The following ANKH variants were observed in gnomAD, a reference collection of about 807,000 sequenced individuals.
ANKH encodes the protein mineralization regulator ANKH.
ANKH carries 15 observed loss-of-function variants against 49.0 expected under a neutral mutation model. The ratio of observed to expected loss-of-function variants is 0.31; its 90% CI spans 0.20 to 0.47. ANKH has a LOEUF of 0.47. ANKH is among the 20% of genes least tolerant of loss of function. ANKH has a pLI of 1.00. For missense variants in ANKH, 429 were observed against 652.0 expected, an observed-to-expected ratio of 0.66 and a Z score of 3.72; for synonymous variants, 273 against 260.0, an observed-to-expected ratio of 1.05 and a Z score of -0.48.
At chr5:14,852,929 A>G (rs1190251844) in intron 1 of ANKH, among the ~76,000 whole-genome samples, 1 of 152,022 alleles carries the variant, frequency 6.6e-6, no homozygotes, top group Non-Finnish European at 1.5e-5. Flanking sequence ...AATTCCACCC[A>G]AGCAGATCTG....
intron 8 of ANKH, chr5:14,741,396 C>A: frequency 4.4e-6 from 1 of 226,304 alleles, no homozygotes; most frequent in Non-Finnish European, 8.8e-6. Context: ...CACGTGATGG[C>A]CACGTAAGTA....
intron 8 of ANKH, among the ~76,000 whole-genome samples, chr5:14,730,723 G>A (rs1737971413): frequency 6.6e-6 from 1 of 152,194 alleles, no homozygotes; most frequent in Non-Finnish European, 1.5e-5. Flanking sequence ...AGCAAGAAGC[G>A]AGCGCCAGGA....
At position 14,784,455 on chromosome 5, in the gene ANKH, G is replaced by A. The variant is rs10036701; in HGVS notation, c.97-15264C>T. ...TACCATCATCAGACTAGCAAAGCTG[G>A]TGAGTGGCGGTGCACGGCCTCACAC... On this transcript the variant is annotated intron_variant, in intron 1 of 11. Coordinates refer to ENST00000284268, the MANE Select transcript of ANKH (RefSeq NM_054027.6). 3.0e-3 allele frequency among the ~76,000 whole-genome samples: 452 copies of A among 152,346 alleles called. 2 individuals carry two copies. The highest frequency in any genetic ancestry group is 0.01 in the African/African-American group (436 of 41,572).
intron 8 of ANKH, among the ~76,000 whole-genome samples, chr5:14,726,236 G>C (rs943855998): frequency 1.3e-5 from 2 of 152,166 alleles, no homozygotes; most frequent in East Asian, 1.9e-4. Context: ...TTTCCAGAGA[G>C]AGCTGACGCA....
chr5:14,768,045 A>G (rs927626162), intron 2 of ANKH: 3 of 152,218 alleles, frequency 2.0e-5, no homozygotes, highest in Admixed American at 1.3e-4. Flanking sequence ...TCTTAGCACA[A>G]AATTTTATGT....
At chr5:14,749,573 A>G (rs1476873527) in intron 5 of ANKH, among the ~76,000 whole-genome samples, 1 of 152,268 alleles carries the variant, frequency 6.6e-6, no homozygotes, top group Non-Finnish European at 1.5e-5. Context: ...ACTCTTTTCC[A>G]TACTGAGACT....
intron 1 of ANKH, among the ~76,000 whole-genome samples, chr5:14,831,780 A>T (rs918632267): frequency 7.9e-5 from 12 of 152,228 alleles, no homozygotes; most frequent in Non-Finnish European, 1.5e-5. Context: ...AATTGAAAAC[A>T]GTGTTTTCCT....
intron 1 of ANKH, among the ~76,000 whole-genome samples, chr5:14,861,679 T>C (rs983192702): frequency 6.6e-6 from 1 of 152,158 alleles, no homozygotes; most frequent in Non-Finnish European, 1.5e-5. Flanking sequence ...TTGAGGAGAC[T>C]GTAGATTCTT....
At chr5:14,730,679 C>T (rs531048361) in intron 8 of ANKH, among the ~76,000 whole-genome samples, 2 of 152,146 alleles carry the variant, frequency 1.3e-5, no homozygotes, top group Admixed American at 6.5e-5. Flanking sequence ...AGGATGGGGC[C>T]GACGTGTATG....
intron 1 of ANKH, among the ~76,000 whole-genome samples, chr5:14,833,320 C>T (rs1164239881): frequency 3.3e-5 from 5 of 152,192 alleles, no homozygotes; most frequent in East Asian, 3.9e-4. Context: ...TATTCCAACA[C>T]GCCTGCTTGC....
chr5:14,812,114 T>C (rs1740900738), intron 1 of ANKH, among the ~76,000 whole-genome samples: 2 of 106,832 alleles, frequency 1.9e-5, no homozygotes, highest in African/African-American at 7.4e-5. Flanking sequence ...TCTGTATTTA[T>C]CTTAAAAAAA....
intron 3 of ANKH, among the ~76,000 whole-genome samples, chr5:14,757,783 T>C (rs548629021): frequency 6.6e-6 from 1 of 152,246 alleles, no homozygotes; most frequent in East Asian, 1.9e-4. Flanking sequence ...TTAAATAAAT[T>C]GACAAGATGG....
At chr5:14,855,842 G>GAAAAAAAAAAAA (rs1735222080) in intron 1 of ANKH, among the ~76,000 whole-genome samples, 1 of 126,014 alleles carries the variant, frequency 7.9e-6, no homozygotes, top group African/African-American at 3.0e-5. Context: ...AAAAAAAAAA[G>GAAAAAAAAAAAA]AAAAAGAAAA....
At chr5:14,828,590 C>CT (rs988347294) in intron 1 of ANKH, among the ~76,000 whole-genome samples, 6 of 151,878 alleles carry the variant, frequency 4.0e-5, no homozygotes, top group South Asian at 4.1e-4. Context: ...CTTTCTTCTT[C>CT]TTTTTTTTAA....
At chr5:14,772,445 T>C (rs1259247014) in intron 1 of ANKH, among the ~76,000 whole-genome samples, 1 of 152,232 alleles carries the variant, frequency 6.6e-6, no homozygotes, top group Non-Finnish European at 1.5e-5. Context: ...TGATAATTGT[T>C]TCCAATTTTA....
intron 1 of ANKH, among the ~76,000 whole-genome samples, chr5:14,844,801 C>T (rs752597072): frequency 6.6e-5 from 10 of 152,106 alleles, no homozygotes; most frequent in Non-Finnish European, 1.0e-4. Context: ...GTTATTTCTG[C>T]CTTTCCTGTT....
At chr5:14,753,353 C>T (rs1464926610) in intron 4 of ANKH, among the ~76,000 whole-genome samples, 1 of 152,146 alleles carries the variant, frequency 6.6e-6, no homozygotes, top group Admixed American at 6.5e-5. Context: ...TAACCTTTTG[C>T]AGAAGCACCG....
At chr5:14,853,713 G>A (rs1406587973) in intron 1 of ANKH, among the ~76,000 whole-genome samples, 1 of 152,066 alleles carries the variant, frequency 6.6e-6, no homozygotes, top group Non-Finnish European at 1.5e-5. Flanking sequence ...CGCCCAGGCT[G>A]GAGTGCAGTG....
At chr5:14,798,070 C>A (rs1561060550) in intron 1 of ANKH, 1 of 1,585,456 alleles carries the variant, frequency 6.3e-7, no homozygotes, top group Non-Finnish European at 8.7e-7. Flanking sequence ...TTTCCACTAA[C>A]TGAACCAAAA....
Sources: allele counts gnomAD v4.1 joint callset (sites outside exome capture counted in the v4.1 genomes callset), GRCh38; gene constraint gnomAD v4.1.1; transcripts MANE v1.5; gene names NCBI Gene and HGNC (gene_info 2026-07-23, HGNC 2026-07-21).